POLRMT: variants seen among roughly 807,000 people sequenced by gnomAD.
POLRMT encodes the protein RNA polymerase mitochondrial.
In POLRMT, 114 loss-of-function variants were observed where a neutral mutation model predicts 132.2. The observed-to-expected ratio is 0.86, with a 90% CI of 0.74 to 1.01. The LOEUF is 1.01. POLRMT is among the 50% of genes least tolerant of loss of function. The pLI, the probability that POLRMT is intolerant of heterozygous loss-of-function variation, is 0.00. For missense variants in POLRMT, 2,003 were observed against 1,729.1 expected (o/e 1.16, Z -2.81); for synonymous variants, 1,020 against 773.4 (o/e 1.32, Z -5.29).
intron 6 of POLRMT, 29 bp downstream of exon 6, chr19:623,425 C>A: frequency 6.2e-7 from 1 of 1,606,044 alleles, no homozygotes; most frequent in Non-Finnish European, 8.5e-7. Flanking sequence ...GCCCCTGCGG[C>A]GGACACGGGA....
chr19:621,227 A>C lies in POLRMT; in HGVS notation c.2471T>G (p.Leu824Arg), dbSNP rs1984557229. The change falls in exon 10 of 21, where the codon CTG becomes CGG. Residue 824 changes from leucine (L) to arginine (R), a missense_variant. Physicochemically the swap from Leu to Arg is moderately radical, Grantham distance 102. Transcript: ENST00000588649. ...CGGGCGGCCCTGGGCGAACTCCAGC[A>C]GGGCCCGCGCCACGTCGCTGCCCAG... ...NHLGSDVARA[L>R]LEFAQGRPLG... is the part of the protein sequence containing the mutation. 1 of 1,609,336 alleles carries C rather than the reference A, an allele frequency of 6.2e-7. No individual in the cohort carries two copies. Among genetic ancestry groups the C allele is most frequent in the African/African-American group, 1.3e-5 (1 of 74,728 alleles).
At position 620,433 on chromosome 19, in the gene POLRMT, T is replaced by C. The variant is rs2144597419; in HGVS notation, c.2695A>G (p.Met899Val). The C allele has an allele frequency of 6.3e-7, 1 of 1,599,034 alleles. No homozygotes were observed. Among genetic ancestry groups the C allele is most frequent in the Non-Finnish European group, 8.5e-7 (1 of 1,173,472 alleles). ...GCGCGCACAGCGTTCGCCACCTCCA[T>C]ACAGCAGGCCAGCGTCTGCCAGGGT... ...EEPWQTLACCMEVANAVRASD... is the reference protein window; with the variant it reads ...EEPWQTLACCVEVANAVRASD... The change falls in exon 11 of 21, where the codon ATG (methionine) becomes GTG (valine). Residue 899 changes from methionine (M) to valine (V), a missense_variant. By Grantham distance (21) the Met-to-Val change is conservative. Transcript: ENST00000588649.
chr19:620,588 C>T (rs1382764962), intron 10 of POLRMT, 101 bp from the exon 11 acceptor site: 4 of 1,376,596 alleles, frequency 2.9e-6, no homozygotes, highest in Non-Finnish European at 3.9e-6. Flanking sequence ...AGGAGACGCA[C>T]ACCCGTGATA....
Position 618,981 on chromosome 19 carries a change from G to C in POLRMT, c.3267+16C>G. On this transcript the variant is annotated intron_variant, in intron 15 of 20. Transcript: ENST00000588649. ...GGATGGTGGCACACTGGGGAGGGAT[G>C]GGGTGGTACACTGACCTTGACCTTG... The C allele has an allele frequency of 1.3e-6, 2 of 1,545,520 alleles. No homozygotes were observed. Among genetic ancestry groups the C allele is most frequent in the Non-Finnish European group, 1.8e-6 (2 of 1,136,476 alleles).
In POLRMT at chr19:630,136, C is replaced by CA. The variant is rs1985309672; in HGVS notation, c.225dup (p.Glu76Ter). On this transcript the variant is annotated frameshift_variant, in exon 3 of 21. Transcript: ENST00000588649. LOFTEE classifies it high-confidence loss of function. ...TTCACCACCACCTCCGACACGCTCT[C>CA]AGCCTGCAGCTGCCGCACCCGCGCC... 4.4e-6 allele frequency: 7 copies of CA among 1,605,518 alleles called. No individual in the cohort carries two copies. Among genetic ancestry groups the CA allele is most frequent in the Non-Finnish European group, 6.0e-6 (7 of 1,174,560 alleles).
At chr19:625,325 A>G in intron 3 of POLRMT, 71 bp from the exon 4 acceptor site, 1 of 1,585,716 alleles carries the variant, frequency 6.3e-7, no homozygotes, top group Non-Finnish European at 8.6e-7. Flanking sequence ...CTCCCTGGAG[A>G]CCCCTTCTCT....
rs1302777399 is a variant in POLRMT, at chr19:621,468, C to A, written c.2230G>T (p.Ala744Ser). 3.7e-6 allele frequency: 5 copies of A among 1,368,238 alleles called. No homozygotes were observed. Among genetic ancestry groups the A allele is most frequent in the Non-Finnish European group, 3.7e-6 (4 of 1,069,818 alleles). The allele number at this position is 1,368,238 out of a possible 1,614,324, so 84.8% of individuals were successfully genotyped here. A position where few individuals can be genotyped will look rare whatever the true frequency, so the allele number is the denominator to read the frequency against. The change falls in exon 10 of 21, where the codon GCC becomes TCC. Residue 744 changes from alanine (A) to serine (S), a missense_variant. By Grantham distance (99) the Ala-to-Ser change is moderately conservative. Transcript: ENST00000588649. The part of the protein sequence containing the change: ...PPSEAPQPPE[A>S]HLPHSAAPAR... ...GGCGCGGCGCTGTGCGGCAGGTGGG[C>A]CTCGGGCGGCTGGGGCGCCTCGGAG...
At chr19:633,144 G>A (rs1172752613) in intron 1 of POLRMT, 5 of 593,904 alleles carry the variant, frequency 8.4e-6, no homozygotes, top group East Asian at 6.6e-5. Flanking sequence ...GCCGAGAGAG[G>A]GTTCCTCGCA....
At chr19:619,185 C>T (rs544106421) in intron 14 of POLRMT, 25 bp downstream of exon 14, 10 of 1,610,622 alleles carry the variant, frequency 6.2e-6, no homozygotes, top group East Asian at 4.5e-5. Context: ...GAGTCCTGGC[C>T]GAGCGGGGAC....
chr19:621,991 G>A (rs1412879808), intron 9 of POLRMT, 145 bp from the exon 10 acceptor site: 3 of 1,196,696 alleles, frequency 2.5e-6, no homozygotes, highest in South Asian at 3.1e-5. Flanking sequence ...CTCCAGAAAC[G>A]GCCGGACACC....
At chr19:620,864 G>A (rs1467411952) in intron 10 of POLRMT, among the ~76,000 whole-genome samples, 194 bp downstream of exon 10, 2 of 98,550 alleles carry the variant, frequency 2.0e-5, no homozygotes, top group Admixed American at 9.7e-5. Flanking sequence ...CGCGGGGGAG[G>A]AGAGCGGGCG....
chr19:630,202 A>AC (rs557612575), intron 2 of POLRMT, 34 bp from the exon 3 acceptor site: 5 of 1,534,914 alleles, frequency 3.3e-6, no homozygotes, highest in Non-Finnish European at 4.4e-6. Flanking sequence ...CATGAGAGGG[A>AC]CCCCCTCCCC....
At chr19:622,459 T>A in intron 8 of POLRMT, 86 bp from the exon 9 acceptor site, 4 of 1,461,624 alleles carry the variant, frequency 2.7e-6, no homozygotes, top group Non-Finnish European at 3.6e-6. Flanking sequence ...CGGTGGGGCA[T>A]CTGTCAGCCC....
rs1162438800 is a variant in POLRMT, at chr19:629,570, G to A, written c.792C>T (p.Tyr264=). The A allele has an allele frequency of 6.3e-7, 1 of 1,574,914 alleles. No homozygotes were observed. Among genetic ancestry groups the A allele is most frequent in the Non-Finnish European group, 8.6e-7 (1 of 1,161,490 alleles). Residue 264 remains tyrosine (Y), a synonymous_variant, in exon 3 of 21, where the codon TAC becomes TAT. Transcript: ENST00000588649. ...GCGCCCAGCCAAGCATCACGGCGTT[G>A]TACATGTCCAGCGTGAGCAGCTTCC... is the stretch of plus-strand genomic sequence containing the variant. ...QKRKLLTLDM[Y]NAVMLGWARQ... is the part of the protein sequence containing the mutation.
chr19:618,082 C>T (rs528559815), intron 17 of POLRMT: 20 of 584,516 alleles, frequency 3.4e-5, no homozygotes, highest in East Asian at 2.6e-4. Flanking sequence ...CCGCCCCCCA[C>T]GCTGCTGTGG....
Position 632,912 on chromosome 19 carries a change from TG to T in POLRMT, c.114del (p.Arg39GlyfsTer45). 2 of 1,530,528 alleles carry T rather than the reference TG, an allele frequency of 1.3e-6. No individual in the cohort carries two copies. The highest frequency in any genetic ancestry group is 2.0e-5 in the Admixed American group (1 of 49,902). 94.8% of individuals were successfully genotyped at this position (1,530,528 alleles called of 1,614,324 possible). A position where few individuals can be genotyped will look rare whatever the true frequency, so the allele number is the denominator to read the frequency against. ...TGGGGGCTGGCGGACGAGCTCCTCC[TG>T]GGGCCGCAGACGCCACCGGCGGTCC... is the stretch of plus-strand genomic sequence containing the variant. ...KEGTAGGVCG[P>X]RRSSSASPQE... On this transcript the variant is annotated frameshift_variant, in exon 2 of 21. Transcript: ENST00000588649. LOFTEE classifies it high-confidence loss of function.
rs574711863 is a variant in POLRMT at position 631,736 on chromosome 19, CTTTGT to C, written c.193+1093_193+1097del. ...TACTTTTAGGATTAACAGTTGAGAG[CTTTGT>C]TTTGTTTTGTTTTGTTTTTGAGATG... On this transcript the variant is annotated intron_variant, in intron 2 of 20. Transcript: ENST00000588649. Among the ~76,000 whole-genome samples the C allele has an allele frequency of 5.5e-4, 83 of 152,228 alleles. 1 individual carries two copies. The East Asian group carries it at 0.011, about 21-fold the overall frequency.
At chr19:624,587 A>C in intron 5 of POLRMT, 132 bp downstream of exon 5, 1 of 996,508 alleles carries the variant, frequency 1.0e-6, no homozygotes, top group Non-Finnish European at 1.4e-6. Flanking sequence ...CAGAGGAGGA[A>C]GGGAGGAATT....
At chr19:620,881 GT>G (rs2144603635) in intron 10 of POLRMT, among the ~76,000 whole-genome samples, 176 bp downstream of exon 10, 1 of 84,418 alleles carries the variant, frequency 1.2e-5, no homozygotes, top group Non-Finnish European at 2.4e-5. Context: ...GGCGGGGGAC[GT>G]GGGGGCGCCA....
Sources: allele counts gnomAD v4.1 joint callset (sites outside exome capture counted in the v4.1 genomes callset), GRCh38; gene constraint gnomAD v4.1.1; transcripts MANE v1.5; gene names NCBI Gene and HGNC (gene_info 2026-07-23, HGNC 2026-07-21).